Variants in CLCN3 observed in about 807,000 individuals in gnomAD.
The protein encoded by CLCN3 is Cl-/H+ antiporter 3.
In CLCN3, 16 loss-of-function variants were observed where a neutral mutation model predicts 83.4. That is an observed-to-expected ratio of 0.19 (90% CI 0.13 to 0.29). CLCN3 has a LOEUF of 0.29. Ranked by LOEUF, CLCN3 falls within the 10% of genes least tolerant of loss-of-function variation. CLCN3 has a pLI of 1.00. For missense variants in CLCN3, 544 were observed against 1,006.0 expected, an observed-to-expected ratio of 0.54 and a Z score of 6.21; for synonymous variants, 322 against 346.2, an observed-to-expected ratio of 0.93 and a Z score of 0.78.
chr4:169,677,186 T>A (rs1731713860), intron 2 of CLCN3, among the ~76,000 whole-genome samples: 1 of 152,002 alleles, frequency 6.6e-6, no homozygotes, highest in South Asian at 2.1e-4. Flanking sequence ...TAGGGGCAGT[T>A]TTTTTTAATT....
At chr4:169,703,225 G>T (rs142490902) in intron 9 of CLCN3, among the ~76,000 whole-genome samples, 300 of 152,342 alleles carry the variant, frequency 2.0e-3, no homozygotes, top group Admixed American at 3.2e-3. Flanking sequence ...GAAAAGTAGT[G>T]CTGATGGACT....
intron 11 of CLCN3, among the ~76,000 whole-genome samples, chr4:169,711,630 G>A (rs1228211540): frequency 3.9e-5 from 6 of 152,180 alleles, no homozygotes; most frequent in South Asian, 4.2e-4. Context: ...GATTACAGAC[G>A]TGAGCCACTG....
At chr4:169,713,408 T>C in intron 12 of CLCN3, 113 bp downstream of exon 12, 1 of 746,332 alleles carries the variant, frequency 1.3e-6, no homozygotes, top group East Asian at 2.7e-5. Context: ...TGGGAAAGTC[T>C]GTCCTATGGT....
intron 2 of CLCN3, among the ~76,000 whole-genome samples, chr4:169,647,477 A>G (rs1419616622): frequency 6.6e-6 from 1 of 152,144 alleles, no homozygotes; most frequent in Non-Finnish European, 1.5e-5. Context: ...GGACTGAGAG[A>G]GTAGAAATAC....
At chr4:169,693,561 C>G (rs1330979276) in intron 7 of CLCN3, among the ~76,000 whole-genome samples, 3 of 151,242 alleles carry the variant, frequency 2.0e-5, no homozygotes, top group African/African-American at 7.3e-5. Flanking sequence ...ACTTCAAAGT[C>G]TGTGGTCTTA....
chr4:169,707,631 G>A (rs1447056578), intron 11 of CLCN3, among the ~76,000 whole-genome samples: 2 of 152,176 alleles, frequency 1.3e-5, no homozygotes, highest in East Asian at 1.9e-4. Flanking sequence ...AATAAAGTTG[G>A]CTTATTGGAA....
intron 12 of CLCN3, chr4:169,717,960 C>T: frequency 1.3e-6 from 1 of 745,442 alleles, no homozygotes. Flanking sequence ...TCCCAGATAT[C>T]TGCTGAACAA....
intron 12 of CLCN3, among the ~76,000 whole-genome samples, chr4:169,718,600 G>A (rs1411412543): frequency 2.6e-5 from 4 of 152,006 alleles, no homozygotes; most frequent in Non-Finnish European, 5.9e-5. Context: ...ATGTCCTAGT[G>A]GTTTCATGAC....
chr4:169,690,395 C>T lies in CLCN3; in HGVS notation c.607-135C>T. ...TCCTGACCTCAGGTGATCCACCCGC[C>T]TCAACCTCCCCAGTGCTGGGATTAC... is the stretch of plus-strand genomic sequence containing the variant. On this transcript the variant is annotated intron_variant, in intron 5 of 12. Coordinates refer to ENST00000513761, the MANE Select transcript of CLCN3 (RefSeq NM_001829.4). 4 of 851,348 alleles carry T rather than the reference C, an allele frequency of 4.7e-6. No homozygotes were observed. The East Asian group carries it at 8.4e-5, about 18-fold the overall frequency. 52.7% of individuals were successfully genotyped at this position (851,348 alleles called of 1,614,324 possible).
intron 2 of CLCN3, among the ~76,000 whole-genome samples, chr4:169,670,260 C>T (rs1278682159): frequency 1.3e-5 from 2 of 152,058 alleles, no homozygotes; most frequent in Admixed American, 6.6e-5. Flanking sequence ...ATTTAAGCCT[C>T]AAATCGATCT....
chr4:169,629,601 C>G lies in CLCN3; in HGVS notation c.-16-6312C>G, dbSNP rs527888521. ...GGCCATGCTGGTCTTGAACTCCTGA[C>G]CTCAGGTGATCTGCCCTCCTGGGCC... On this transcript the variant is annotated intron_variant, in intron 1 of 12. Coordinates refer to ENST00000513761, the MANE Select transcript of CLCN3 (RefSeq NM_001829.4). Among the ~76,000 whole-genome samples, 3 of 152,250 alleles carry G rather than the reference C, an allele frequency of 2.0e-5. No homozygotes were observed. In the East Asian group the frequency reaches 5.8e-4, roughly 29 times the overall value.
intron 12 of CLCN3, among the ~76,000 whole-genome samples, chr4:169,717,336 AC>A (rs955073757): frequency 2.0e-5 from 3 of 152,148 alleles, no homozygotes; most frequent in African/African-American, 7.2e-5. Flanking sequence ...AAGTCTCCTC[AC>A]AGCCTTTTGC....
chr4:169,650,011 G>C (rs72694762), intron 2 of CLCN3, among the ~76,000 whole-genome samples: 250 of 152,128 alleles, frequency 1.6e-3, no homozygotes, highest in Non-Finnish European at 2.6e-3. Context: ...CTGGAGCCTG[G>C]GAAGTTAAGG....
chr4:169,718,129 A>G (rs1445563834), intron 12 of CLCN3, among the ~76,000 whole-genome samples: 1 of 152,228 alleles, frequency 6.6e-6, no homozygotes, highest in East Asian at 1.9e-4. Flanking sequence ...ACAGTTTGGT[A>G]GTGGAATAAG....
At chr4:169,678,467 G>C (rs1343326075) in intron 2 of CLCN3, among the ~76,000 whole-genome samples, 2 of 152,020 alleles carry the variant, frequency 1.3e-5, no homozygotes, top group East Asian at 1.9e-4. Flanking sequence ...TTCTCGGAGA[G>C]GGGGATTTGG....
chr4:169,693,839 T>C (rs1732460728), intron 7 of CLCN3, among the ~76,000 whole-genome samples: 1 of 152,236 alleles, frequency 6.6e-6, no homozygotes, highest in Admixed American at 6.5e-5. Context: ...AGTGATTAGT[T>C]AATGTTTAAT....
At chr4:169,657,900 A>G (rs1730933785) in intron 2 of CLCN3, among the ~76,000 whole-genome samples, 2 of 152,118 alleles carry the variant, frequency 1.3e-5, no homozygotes, top group South Asian at 2.1e-4. Flanking sequence ...GTCTCTATCA[A>G]AGTCCTCTTA....
chr4:169,679,900 GA>G (rs1283839106), intron 2 of CLCN3, 149 bp from the exon 3 acceptor site: 9 of 515,860 alleles, frequency 1.7e-5, no homozygotes, highest in African/African-American at 6.3e-5. Flanking sequence ...AGACGAGGGA[GA>G]GGGGGAGACC....
chr4:169,687,566 T>C, intron 3 of CLCN3, 92 bp from the exon 4 acceptor site: 1 of 751,062 alleles, frequency 1.3e-6, no homozygotes. Flanking sequence ...ATTACTGTTC[T>C]ATGTATGGTA....
Sources: gnomAD v4.1 joint callset for allele counts (sites outside exome capture counted in the v4.1 genomes callset) on GRCh38, gnomAD v4.1.1 for gene constraint, MANE v1.5 for transcripts, NCBI Gene and HGNC (gene_info 2026-07-23, HGNC 2026-07-21) for gene names.